The following PDE8B variants were observed in gnomAD, a reference collection of about 807,000 sequenced individuals.
PDE8B encodes the protein high affinity cAMP-specific and IBMX-insensitive 3',5'-cyclic phosphodiesterase 8B.
PDE8B carries 26 observed loss-of-function variants against 101.3 expected under a neutral mutation model. That is an observed-to-expected ratio of 0.26 (90% CI 0.19 to 0.36). The LOEUF (loss-of-function observed/expected upper bound fraction) is 0.36. PDE8B is among the 10% of genes least tolerant of loss of function. The pLI is 1.00. For synonymous variants in PDE8B, 424 were observed against 429.3 expected (o/e 0.99, Z 0.15); for missense variants, 810 against 1,163.1 (o/e 0.70, Z 4.42).
the PDE8B span, chr5:77,115,001 A>G: frequency 6.6e-6 from 1 of 152,042 alleles, no homozygotes; most frequent in East Asian, 1.9e-4. Context: ...TAACAATTAT[A>G]TAAAGAAAAA....
At chr5:77,401,902 G>A (rs1276530876) in intron 11 of PDE8B, among the ~76,000 whole-genome samples, 1 of 152,134 alleles carries the variant, frequency 6.6e-6, no homozygotes, top group Non-Finnish European at 1.5e-5. Flanking sequence ...GAGATAAAAT[G>A]AGGAAGAATA....
At chr5:77,352,456 G>T (rs954069942) in intron 9 of PDE8B, among the ~76,000 whole-genome samples, 2 of 152,152 alleles carry the variant, frequency 1.3e-5, no homozygotes, top group African/African-American at 4.8e-5. Flanking sequence ...ATAAGAAAAA[G>T]AAGTTCTTTT....
intron 1 of PDE8B, among the ~76,000 whole-genome samples, chr5:77,293,363 C>G (rs187431384): frequency 1.3e-5 from 2 of 151,220 alleles, no homozygotes; most frequent in Admixed American, 1.3e-4. Flanking sequence ...ATTTGAGAAT[C>G]ATTTCACAAG....
chr5:77,320,795 A>G (rs1774876156), intron 2 of PDE8B, among the ~76,000 whole-genome samples: 1 of 152,214 alleles, frequency 6.6e-6, no homozygotes, highest in South Asian at 2.1e-4. Context: ...ATTTTGCAGA[A>G]TCATTTATAT....
At chr5:77,254,068 T>C (rs967163040) in intron 1 of PDE8B, among the ~76,000 whole-genome samples, 1 of 152,110 alleles carries the variant, frequency 6.6e-6, no homozygotes, top group African/African-American at 2.4e-5. Flanking sequence ...AAGTAGATAA[T>C]CTCTATGATT....
At chr5:77,153,551 G>C in the PDE8B span, among the ~76,000 whole-genome samples, 2 of 150,910 alleles carry the variant, frequency 1.3e-5, no homozygotes, top group African/African-American at 4.9e-5. Flanking sequence ...TAGCACGTGG[G>C]CCCCTGACTC....
At chr5:77,184,354 G>A in the PDE8B span, among the ~76,000 whole-genome samples, 22 of 152,302 alleles carry the variant, frequency 1.4e-4, no homozygotes, top group African/African-American at 4.8e-4. Flanking sequence ...CCACTAACAT[G>A]TTTTTGGAGT....
At chr5:77,421,738 C>A in intron 19 of PDE8B, 83 bp from the exon 20 acceptor site, 1 of 1,336,822 alleles carries the variant, frequency 7.5e-7, no homozygotes, top group South Asian at 1.2e-5. Flanking sequence ...GCTCGGTGAT[C>A]ACCATCGAAT....
At chr5:77,398,236 T>C (rs1002488176) in intron 10 of PDE8B, among the ~76,000 whole-genome samples, 1 of 151,414 alleles carries the variant, frequency 6.6e-6, no homozygotes, top group Non-Finnish European at 1.5e-5. Flanking sequence ...ATTTCAGTTT[T>C]AACTAAGTTT....
chr5:77,119,642 G>A, the PDE8B span: 1 of 129,384 alleles, frequency 7.7e-6, no homozygotes, highest in Admixed American at 8.6e-5. Context: ...GGGTGACAGA[G>A]CAAGACTCTG....
At chr5:77,093,236 T>C in the PDE8B span, among the ~76,000 whole-genome samples, 86 of 152,208 alleles carry the variant, frequency 5.7e-4, no homozygotes, top group Non-Finnish European at 9.4e-4. Context: ...GCATAGGTGG[T>C]TGATTACTAA....
intron 1 of PDE8B, among the ~76,000 whole-genome samples, chr5:77,260,134 G>C (rs1330108377): frequency 3.8e-5 from 5 of 131,232 alleles, no homozygotes; most frequent in Non-Finnish European, 6.3e-5. Context: ...TCCAGCCTGG[G>C]CAACAAGAGC....
At chr5:77,384,208 T>C (rs974824132) in intron 10 of PDE8B, among the ~76,000 whole-genome samples, 1 of 152,210 alleles carries the variant, frequency 6.6e-6, no homozygotes, top group Non-Finnish European at 1.5e-5. Flanking sequence ...ACATCCCTTG[T>C]AAGTTGTATT....
intron 1 of PDE8B, among the ~76,000 whole-genome samples, chr5:77,273,472 G>T (rs1277485263): frequency 6.6e-6 from 1 of 152,160 alleles, no homozygotes; most frequent in African/African-American, 2.4e-5. Flanking sequence ...ACTAGCAATC[G>T]CCCTTGTCCT....
the PDE8B span, among the ~76,000 whole-genome samples, chr5:77,129,509 CTT>C: frequency 0.063 from 9,589 of 152,110 alleles, 322 homozygotes; most frequent in South Asian, 0.13. Context: ...AAATGGATTA[CTT>C]CCCCTCTGGT....
At chr5:77,182,284 A>G in the PDE8B span, among the ~76,000 whole-genome samples, 1 of 151,700 alleles carries the variant, frequency 6.6e-6, no homozygotes, top group Admixed American at 6.6e-5. Flanking sequence ...AAGAGATACT[A>G]GATCAGTGGG....
intron 2 of PDE8B, among the ~76,000 whole-genome samples, chr5:77,314,463 T>A (rs1773351097): frequency 6.6e-6 from 1 of 152,088 alleles, no homozygotes; most frequent in Admixed American, 6.5e-5. Context: ...TTGCAATGAA[T>A]CTATAGACCA....
intron 1 of PDE8B, among the ~76,000 whole-genome samples, chr5:77,222,394 C>T (rs1393412496): frequency 1.3e-5 from 2 of 152,192 alleles, no homozygotes; most frequent in Non-Finnish European, 2.9e-5. Context: ...GAGGCTGAGG[C>T]GGGTGGATCA....
chr5:77,205,560 C>G (rs1407671067), upstream of PDE8B, among the ~76,000 whole-genome samples: 1 of 151,708 alleles, frequency 6.6e-6, no homozygotes, highest in Non-Finnish European at 1.5e-5. Flanking sequence ...CATCTTTTAC[C>G]TTCTGTCCAA....
Sources: allele counts gnomAD v4.1 joint callset (sites outside exome capture counted in the v4.1 genomes callset), GRCh38; gene constraint gnomAD v4.1.1; transcripts MANE v1.5; gene names NCBI Gene and HGNC (gene_info 2026-07-23, HGNC 2026-07-21).